Variants in PRKD1 observed in about 807,000 individuals in gnomAD.
PRKD1 encodes protein kinase D1.
In PRKD1, 63 loss-of-function variants were observed where a neutral mutation model predicts 95.9. The observed-to-expected ratio is 0.66, with a 90% confidence interval of 0.54 to 0.81. PRKD1 has a LOEUF of 0.81. Among genes scored for constraint, PRKD1 ranks in the 30% least tolerant of loss-of-function variants. PRKD1 has a pLI of 0.00. For synonymous variants in PRKD1, 425 were observed against 423.1 expected, an observed-to-expected ratio of 1.00 and a Z score of -0.05; for missense variants, 1,048 against 1,165.3, an observed-to-expected ratio of 0.90 and a Z score of 1.47.
chr14:29,835,067 A>G (rs987979906), intron 1 of PRKD1, among the ~76,000 whole-genome samples: 2 of 152,200 alleles, frequency 1.3e-5, no homozygotes, highest in African/African-American at 4.8e-5. Flanking sequence ...ATTAACATAC[A>G]AAGAAATACA....
chr14:29,789,750 T>C (rs948692583), intron 1 of PRKD1, among the ~76,000 whole-genome samples: 4 of 152,078 alleles, frequency 2.6e-5, no homozygotes, highest in African/African-American at 9.7e-5. Context: ...GGTGGGTATA[T>C]TGTCAGGCCC....
chr14:29,808,860 T>G (rs1481259954), intron 1 of PRKD1, among the ~76,000 whole-genome samples: 1 of 152,224 alleles, frequency 6.6e-6, no homozygotes, highest in East Asian at 1.9e-4. Context: ...TCATGAAGAT[T>G]CTTAATGGCA....
chr14:29,694,205 G>C (rs1181104393), intron 2 of PRKD1, among the ~76,000 whole-genome samples: 5 of 152,074 alleles, frequency 3.3e-5, no homozygotes, highest in African/African-American at 1.2e-4. Flanking sequence ...AATAATACAG[G>C]TTCCAACTAT....
At chr14:29,611,309 CTAAAAA>C (rs1454514816) in intron 13 of PRKD1, among the ~76,000 whole-genome samples, 1 of 152,068 alleles carries the variant, frequency 6.6e-6, no homozygotes, top group Admixed American at 6.6e-5. Flanking sequence ...TAAAATTGCT[CTAAAAA>C]TAAAGTCTTT....
intron 1 of PRKD1, among the ~76,000 whole-genome samples, chr14:29,840,031 T>G (rs191529561): frequency 6.6e-6 from 1 of 152,192 alleles, no homozygotes; most frequent in Non-Finnish European, 1.5e-5. Context: ...TCATTACTTA[T>G]GTAAATTTCT....
At chr14:29,731,509 T>C (rs1886433824) in intron 1 of PRKD1, among the ~76,000 whole-genome samples, 2 of 152,230 alleles carry the variant, frequency 1.3e-5, no homozygotes, top group Non-Finnish European at 2.9e-5. Flanking sequence ...CTGTTTGTTC[T>C]ATAAATTAAT....
At chr14:29,901,575 T>C (rs1003473101) in intron 1 of PRKD1, among the ~76,000 whole-genome samples, 3 of 152,054 alleles carry the variant, frequency 2.0e-5, no homozygotes, top group African/African-American at 7.2e-5. Context: ...TTATAAAAAA[T>C]AAAAATAAAA....
intron 2 of PRKD1, among the ~76,000 whole-genome samples, chr14:29,701,909 T>A (rs1391964126): frequency 1.3e-5 from 2 of 152,164 alleles, no homozygotes; most frequent in Non-Finnish European, 2.9e-5. Flanking sequence ...CATCTCAGAA[T>A]CACAAGAGCC....
intron 1 of PRKD1, among the ~76,000 whole-genome samples, chr14:29,887,006 C>G (rs1054028889): frequency 6.6e-5 from 10 of 152,206 alleles, no homozygotes; most frequent in Non-Finnish European, 8.8e-5. Flanking sequence ...GTGCACATCT[C>G]AATGGCACAT....
At chr14:29,869,189 T>C (rs991704590) in intron 1 of PRKD1, among the ~76,000 whole-genome samples, 12 of 152,112 alleles carry the variant, frequency 7.9e-5, no homozygotes, top group Non-Finnish European at 1.8e-4. Flanking sequence ...ATGCCTGTAA[T>C]CCCAGCACTT....
intron 1 of PRKD1, among the ~76,000 whole-genome samples, chr14:29,751,719 T>C (rs960129030): frequency 6.6e-6 from 1 of 152,258 alleles, no homozygotes; most frequent in African/African-American, 2.4e-5. Flanking sequence ...TGTATCCATA[T>C]TGGTTCCCTT....
At chr14:29,781,947 ATTC>A (rs1311491530) in intron 1 of PRKD1, among the ~76,000 whole-genome samples, 1 of 152,218 alleles carries the variant, frequency 6.6e-6, no homozygotes, top group Non-Finnish European at 1.5e-5. Context: ...CAGTTTTCAA[ATTC>A]TTCTTCTGTG....
At chr14:29,584,188 A>AAAGT in intron 16 of PRKD1, among the ~76,000 whole-genome samples, 1 of 152,192 alleles carries the variant, frequency 6.6e-6, no homozygotes, top group African/African-American at 2.4e-5. Flanking sequence ...TCTAACAATA[A>AAAGT]CAACAAAATA....
In PRKD1 at chr14:29,666,140, C is replaced by T. The variant is rs1283463181; in HGVS notation, c.472G>A (p.Ala158Thr). The change falls in exon 3 of 18, where the codon GCT (alanine) becomes ACT (threonine). Residue 158 changes from alanine to threonine, a missense_variant. Transcript: ENST00000331968. Reference sequence around the variant, plus strand: ...ATTTCTCCACAGTGATCACAGAAAGCTGGAGCTCTGTATGAATGAACAAAG... The same window carrying T: ...ATTTCTCCACAGTGATCACAGAAAGTTGGAGCTCTGTATGAATGAACAAAG... ...ALFVHSYRAP[A>T]FCDHCGEMLW... 2.0e-5 allele frequency: 32 copies of T among 1,607,686 alleles called. No homozygotes were observed. The highest frequency in any genetic ancestry group is 2.7e-5 in the Non-Finnish European group (32 of 1,175,718).
chr14:29,607,322 T>G (rs1878053924), intron 13 of PRKD1, among the ~76,000 whole-genome samples: 1 of 152,226 alleles, frequency 6.6e-6, no homozygotes, highest in African/African-American at 2.4e-5. Flanking sequence ...ACTGTGTGTG[T>G]GTGTTTTTAA....
At chr14:29,906,119 A>AAC (rs1357564798) in intron 1 of PRKD1, among the ~76,000 whole-genome samples, 2 of 152,182 alleles carry the variant, frequency 1.3e-5, no homozygotes, top group Non-Finnish European at 2.9e-5. Context: ...TAAGACAATA[A>AAC]ACACACACAC....
intron 1 of PRKD1, among the ~76,000 whole-genome samples, chr14:29,783,676 A>G (rs1237851145): frequency 6.6e-6 from 1 of 151,812 alleles, no homozygotes; most frequent in Non-Finnish European, 1.5e-5. Flanking sequence ...TTTTCATAAT[A>G]GACATTCTAA....
At position 29,907,043 on chromosome 14, in the gene PRKD1, T is replaced by C. The variant is rs45590242; in HGVS notation, c.264+20206A>G. Among the ~76,000 whole-genome samples the C allele has an allele frequency of 1.0e-3, 154 of 152,348 alleles. 1 individual carries two copies. The highest frequency in any genetic ancestry group is 3.3e-3 in the African/African-American group (139 of 41,582). ...TTTTTCATAATATTTCAACTAGGTA[T>C]CCACTAACAATCACAAAAGACTCTT... is the stretch of plus-strand genomic sequence containing the variant. On this transcript the variant is annotated intron_variant, in intron 1 of 17. Coordinates refer to ENST00000331968, the MANE Select transcript of PRKD1 (RefSeq NM_002742.3).
At chr14:29,777,348 C>A (rs888355972) in intron 1 of PRKD1, among the ~76,000 whole-genome samples, 1 of 152,128 alleles carries the variant, frequency 6.6e-6, no homozygotes, top group Admixed American at 6.5e-5. Flanking sequence ...CAAAGACTGG[C>A]AAACTGGATA....
Sources: gnomAD v4.1 joint callset for allele counts (sites outside exome capture counted in the v4.1 genomes callset) on GRCh38, gnomAD v4.1.1 for gene constraint, MANE v1.5 for transcripts, NCBI Gene and HGNC (gene_info 2026-07-23, HGNC 2026-07-21) for gene names.